The following FNDC3A variants were observed in gnomAD, a reference collection of about 807,000 sequenced individuals.
The protein encoded by FNDC3A is fibronectin type III domain containing 3A.
A neutral mutation model predicts 148.9 loss-of-function variants in FNDC3A; 32 were observed. That is an observed-to-expected ratio of 0.21 (90% CI 0.16 to 0.29). FNDC3A has a LOEUF of 0.29. Ranked by LOEUF, FNDC3A falls within the 10% of genes least tolerant of loss-of-function variation. The pLI is 1.00. For missense variants in FNDC3A, 1,191 were observed against 1,452.8 expected (o/e 0.82, Z 2.93); for synonymous variants, 472 against 473.6 (o/e 1.00, Z 0.04).
rs141921996 is a variant in FNDC3A, at chr13:49,110,686, G to A, written c.176-3969G>A. Among the ~76,000 whole-genome samples the A allele has an allele frequency of 2.7e-4, 41 of 152,242 alleles. No homozygotes were observed. The East Asian group carries it at 7.9e-3, about 29-fold the overall frequency. On this transcript the variant is annotated intron_variant, in intron 3 of 25. Coordinates refer to ENST00000492622, the MANE Select transcript of FNDC3A (RefSeq NM_001079673.2). ...GGCATCAGATTATTTGGAAGCCATT[G>A]TGAACGCTGGCTTATAGAGAATGTG... is the stretch of plus-strand genomic sequence containing the variant.
At chr13:49,137,681 C>G (rs1383060771) in intron 6 of FNDC3A, among the ~76,000 whole-genome samples, 4 of 152,174 alleles carry the variant, frequency 2.6e-5, no homozygotes, top group African/African-American at 9.7e-5. Context: ...GAATCAATCT[C>G]TATAAGGTAA....
chr13:49,074,298 A>G (rs2137777456), intron 2 of FNDC3A, among the ~76,000 whole-genome samples: 1 of 152,180 alleles, frequency 6.6e-6, no homozygotes, highest in East Asian at 1.9e-4. Flanking sequence ...TTGCATCCTC[A>G]TAGCTTAGCT....
intron 1 of FNDC3A, among the ~76,000 whole-genome samples, chr13:48,996,674 C>T (rs757380798): frequency 1.3e-5 from 2 of 152,140 alleles, no homozygotes; most frequent in Non-Finnish European, 2.9e-5. Context: ...AACCAAGGAA[C>T]AACTGCATAT....
intron 7 of FNDC3A, among the ~76,000 whole-genome samples, chr13:49,141,989 T>C (rs1433840361): frequency 3.9e-5 from 6 of 152,198 alleles, no homozygotes; most frequent in Non-Finnish European, 7.4e-5. Flanking sequence ...TCTTTCTGAA[T>C]ATGCTCCTTT....
chr13:49,131,711 G>A (rs893965295), intron 5 of FNDC3A, among the ~76,000 whole-genome samples: 1 of 152,112 alleles, frequency 6.6e-6, no homozygotes, highest in Admixed American at 6.5e-5. Context: ...AAATCCTATT[G>A]GCTGTGATGC....
chr13:49,193,060 TGAG>T (rs1335142119), intron 19 of FNDC3A, among the ~76,000 whole-genome samples: 3 of 152,164 alleles, frequency 2.0e-5, no homozygotes, highest in African/African-American at 7.2e-5. Context: ...CTATAGGACT[TGAG>T]GAACAGAATC....
At chr13:49,149,747 G>A (rs1883183232) in intron 8 of FNDC3A, among the ~76,000 whole-genome samples, 1 of 152,120 alleles carries the variant, frequency 6.6e-6, no homozygotes, top group Admixed American at 6.5e-5. Flanking sequence ...CAATGTTTTT[G>A]GAATAGTTTG....
chr13:48,993,447 T>C (rs1449831841), intron 1 of FNDC3A, among the ~76,000 whole-genome samples: 2 of 152,210 alleles, frequency 1.3e-5, no homozygotes, highest in Non-Finnish European at 2.9e-5. Context: ...AGAGCAACAA[T>C]AGGACTTTAG....
intron 1 of FNDC3A, 56 bp from the exon 2 acceptor site, chr13:49,006,096 G>T: frequency 1.6e-6 from 1 of 611,190 alleles, no homozygotes. Flanking sequence ...AATGTACAAT[G>T]TTTTACTGTA....
At chr13:49,054,180 G>A (rs953927214) in intron 2 of FNDC3A, among the ~76,000 whole-genome samples, 2 of 152,210 alleles carry the variant, frequency 1.3e-5, no homozygotes, top group Non-Finnish European at 2.9e-5. Context: ...TGGCCTAAAA[G>A]AGGGTCCTTA....
At chr13:49,165,831 C>G (rs1205490532) in intron 8 of FNDC3A, among the ~76,000 whole-genome samples, 2 of 152,156 alleles carry the variant, frequency 1.3e-5, no homozygotes, top group Non-Finnish European at 2.9e-5. Context: ...GCTGGGCAAG[C>G]CAGTCCCCAG....
intron 16 of FNDC3A, chr13:49,187,432 C>T: frequency 8.7e-7 from 1 of 1,147,450 alleles, no homozygotes; most frequent in South Asian, 1.2e-5. Flanking sequence ...GAGGCTGTAC[C>T]TCTTAAAATG....
chr13:49,114,934 T>G (rs1353766249), intron 4 of FNDC3A, among the ~76,000 whole-genome samples: 1 of 152,190 alleles, frequency 6.6e-6, no homozygotes, highest in African/African-American at 2.4e-5. Context: ...CATTTGTCCT[T>G]GTCTTTGGGT....
chr13:49,198,231 A>T lies in FNDC3A; in HGVS notation c.2740A>T (p.Ile914Phe). The T allele has an allele frequency of 6.2e-7, 1 of 1,614,054 alleles. No individual in the cohort carries two copies. The highest frequency in any genetic ancestry group is 8.5e-7 in the Non-Finnish European group (1 of 1,179,934). ...SLTVGKVTSY[I>F]INNLQPDTTY... ...AACAGTGGGAAAGGTTACAAGCTATATTATCAACAATTTGCAACCAGATAC... is the reference window on the plus strand; with the variant it reads ...AACAGTGGGAAAGGTTACAAGCTATTTTATCAACAATTTGCAACCAGATAC... Residue 914 changes from isoleucine to phenylalanine, a missense_variant, in exon 22 of 26, where the codon ATT becomes TTT. Transcript: ENST00000492622.
At chr13:49,093,002 C>T (rs1415319209) in intron 3 of FNDC3A, among the ~76,000 whole-genome samples, 1 of 152,070 alleles carries the variant, frequency 6.6e-6, no homozygotes, top group East Asian at 1.9e-4. Context: ...AAGCCTCATA[C>T]CTAGTTATTG....
chr13:49,175,616 G>A, intron 13 of FNDC3A, 75 bp downstream of exon 13: 1 of 953,216 alleles, frequency 1.0e-6, no homozygotes, highest in Non-Finnish European at 1.5e-6. Context: ...CTGAGACGAT[G>A]GCATTTTCTA....
At chr13:49,044,670 A>AG (rs1875221778) in intron 2 of FNDC3A, 1 of 157,742 alleles carries the variant, frequency 6.3e-6, no homozygotes, top group Admixed American at 6.6e-5. Context: ...ACTCTGTCTC[A>AG]AAAAAAAAAA....
intron 5 of FNDC3A, among the ~76,000 whole-genome samples, chr13:49,133,532 C>T (rs1478108093): frequency 6.6e-6 from 1 of 152,078 alleles, no homozygotes; most frequent in Non-Finnish European, 1.5e-5. Context: ...GAGATTCTAC[C>T]ACTAAATGCT....
chr13:49,198,258 A>G lies in FNDC3A; in HGVS notation c.2767A>G (p.Thr923Ala). The G allele has an allele frequency of 4.3e-6, 7 of 1,613,682 alleles. No homozygotes were observed. Among genetic ancestry groups the G allele is most frequent in the Non-Finnish European group, 5.9e-6 (7 of 1,179,720 alleles). ...TATCAACAATTTGCAACCAGATACA[A>G]CATACAGGTATACTCTAAAAATTAT... ...YIINNLQPDTTYRIRIQALNS... is the reference protein window; with the variant it reads ...YIINNLQPDTAYRIRIQALNS... Residue 923 changes from threonine (T) to alanine (A), a missense_variant, in exon 22 of 26, where the codon ACA becomes GCA. By Grantham distance (58) the Thr-to-Ala change is moderately conservative. Transcript: ENST00000492622.
Sources: allele counts gnomAD v4.1 joint callset (sites outside exome capture counted in the v4.1 genomes callset), GRCh38; gene constraint gnomAD v4.1.1; transcripts MANE v1.5; gene names NCBI Gene and HGNC (gene_info 2026-07-23, HGNC 2026-07-21).